Variants in ZDHHC17 observed in about 807,000 individuals in gnomAD.
ZDHHC17 encodes palmitoyltransferase ZDHHC17.
In ZDHHC17, 40 loss-of-function variants were observed where a neutral mutation model predicts 90.3. That is an observed-to-expected ratio of 0.44 (90% CI 0.34 to 0.58). ZDHHC17 has a LOEUF of 0.58. Ranked by LOEUF, ZDHHC17 falls within the 20% of genes least tolerant of loss-of-function variation. ZDHHC17 has a pLI of 0.01. For missense variants in ZDHHC17, 614 were observed against 780.8 expected, an observed-to-expected ratio of 0.79 and a Z score of 2.55; for synonymous variants, 235 against 252.4, an observed-to-expected ratio of 0.93 and a Z score of 0.65.
At chr12:76,765,061 C>T (rs141258073) in intron 1 of ZDHHC17, among the ~76,000 whole-genome samples, 1,681 of 152,320 alleles carry the variant, frequency 0.011, 11 homozygotes, top group Non-Finnish European at 0.017. Flanking sequence ...TGCTTGTTTA[C>T]CTCCGAGTTT....
intron 1 of ZDHHC17, among the ~76,000 whole-genome samples, chr12:76,777,296 T>C (rs1461896494): frequency 6.6e-6 from 1 of 152,238 alleles, no homozygotes; most frequent in African/African-American, 2.4e-5. Context: ...GTATGTAACC[T>C]TATGGGATTG....
chr12:76,815,308 A>G, intron 6 of ZDHHC17, 98 bp downstream of exon 6: 1 of 687,934 alleles, frequency 1.5e-6, no homozygotes, highest in South Asian at 3.3e-5. Context: ...ACTCACTAAT[A>G]TTTACAGTTT....
chr12:76,788,339 A>G (rs1437353894), intron 1 of ZDHHC17, among the ~76,000 whole-genome samples: 2 of 152,232 alleles, frequency 1.3e-5, no homozygotes, highest in Non-Finnish European at 2.9e-5. Context: ...AAGGGTGTAC[A>G]GTTCAACTTT....
intron 1 of ZDHHC17, among the ~76,000 whole-genome samples, chr12:76,792,767 G>T (rs549527413): frequency 1.3e-5 from 2 of 151,926 alleles, no homozygotes; most frequent in Non-Finnish European, 2.9e-5. Context: ...TTAGAACTTG[G>T]AGAATGTCTA....
chr12:76,815,835 T>TG, intron 6 of ZDHHC17, 22 bp from the exon 7 acceptor site: 1 of 1,219,358 alleles, frequency 8.2e-7, no homozygotes, highest in East Asian at 3.2e-5. Flanking sequence ...TGTTGTTTGT[T>TG]TTTTTTTTTT....
chr12:76,776,191 A>G (rs915744773), intron 1 of ZDHHC17, among the ~76,000 whole-genome samples: 5 of 152,196 alleles, frequency 3.3e-5, no homozygotes, highest in Non-Finnish European at 7.4e-5. Flanking sequence ...CTTTCTGAAC[A>G]TTATTATCCT....
intron 1 of ZDHHC17, among the ~76,000 whole-genome samples, chr12:76,778,409 C>T (rs1010015541): frequency 8.5e-5 from 13 of 152,116 alleles, no homozygotes; most frequent in Non-Finnish European, 1.3e-4. Context: ...TTAGTAGAGA[C>T]GGGGTTTCAC....
Position 76,828,923 on chromosome 12 carries a change from CACAG to C in ZDHHC17, c.1141+441_1141+444del, listed in dbSNP as rs1349504948. ...TCAAAAAATGGGTAAAGGACACAGACACAGACAGACATTTCTCCAAGGACATACA... is the reference window on the plus strand; with the variant it reads ...TCAAAAAATGGGTAAAGGACACAGACACAGACATTTCTCCAAGGACATACA... On this transcript the variant is annotated intron_variant, in intron 10 of 16. Transcript: ENST00000426126. Among the ~76,000 whole-genome samples, 11 of 152,184 alleles carry C rather than the reference CACAG, an allele frequency of 7.2e-5. No individual in the cohort carries two copies. In the East Asian group the frequency reaches 1.9e-3, roughly 27 times the overall value.
intron 10 of ZDHHC17, among the ~76,000 whole-genome samples, chr12:76,837,411 T>C (rs1366402461): frequency 6.6e-6 from 1 of 152,148 alleles, no homozygotes; most frequent in East Asian, 1.9e-4. Flanking sequence ...AGTAGGACCC[T>C]TTGAGCCTAG....
At position 76,812,792 on chromosome 12, in the gene ZDHHC17, C is replaced by T. The variant is rs139729306; in HGVS notation, c.544-2354C>T. Among the ~76,000 whole-genome samples, 17 of 152,066 alleles carry T rather than the reference C, an allele frequency of 1.1e-4. No homozygotes were observed. The East Asian group carries it at 3.3e-3, about 29-fold the overall frequency. On this transcript the variant is annotated intron_variant, in intron 5 of 16. Coordinates refer to ENST00000426126, the MANE Select transcript of ZDHHC17 (RefSeq NM_015336.4). ...GTTTTGTCATTCTATTCTTCACAAT[C>T]GTTTTGTTTTAGTTATATTGTTAAA... is the stretch of plus-strand genomic sequence containing the variant.
intron 1 of ZDHHC17, chr12:76,781,579 T>C: frequency 2.2e-6 from 1 of 454,754 alleles, no homozygotes; most frequent in Non-Finnish European, 4.4e-6. Context: ...TCGTTTGCTG[T>C]CTCATGCTGT....
At chr12:76,837,873 G>A (rs1336740433) in intron 10 of ZDHHC17, among the ~76,000 whole-genome samples, 1 of 151,984 alleles carries the variant, frequency 6.6e-6, no homozygotes, top group African/African-American at 2.4e-5. Context: ...GGCTGGTCTT[G>A]AACTGCTGGG....
intron 8 of ZDHHC17, among the ~76,000 whole-genome samples, chr12:76,824,045 C>T (rs1281424679): frequency 3.3e-5 from 5 of 151,820 alleles, no homozygotes; most frequent in East Asian, 1.9e-4. Context: ...TTGGCACTTT[C>T]GTTTTGTTGA....
intron 10 of ZDHHC17, among the ~76,000 whole-genome samples, chr12:76,831,946 C>A (rs926614976): frequency 1.3e-5 from 2 of 152,146 alleles, no homozygotes; most frequent in African/African-American, 4.8e-5. Flanking sequence ...GCCTAGCTCA[C>A]AGTTTGTTTG....
rs1241722353 is a variant in ZDHHC17, at chr12:76,812,422, TTCTCTCTC to T, written c.543+2571_543+2578del. Among the ~76,000 whole-genome samples the T allele has an allele frequency of 3.9e-5, 6 of 151,954 alleles. No individual in the cohort carries two copies. The South Asian group carries it at 1.2e-3, about 32-fold the overall frequency. ...TTCTTTCCTCAGATAGTCACACAGT[TTCTCTCTC>T]TCTCTTCAGTCAGATGGTTGCTCAA... On this transcript the variant is annotated intron_variant, in intron 5 of 16. Coordinates refer to ENST00000426126, the MANE Select transcript of ZDHHC17 (RefSeq NM_015336.4).
chr12:76,850,995 A>G lies in ZDHHC17; in HGVS notation c.*10A>G. 1 of 1,613,766 alleles carries G rather than the reference A, an allele frequency of 6.2e-7. No individual in the cohort carries two copies. The highest frequency in any genetic ancestry group is 8.5e-7 in the Non-Finnish European group (1 of 1,179,804). The stretch of plus-strand genomic sequence containing the variant: ...GTACCAGCTGGTGTAGCGACATCTT[A>G]TCCTATGAAGCATATTGCTGAGTGG... On this transcript the variant is annotated 3_prime_UTR_variant, in exon 17 of 17. Coordinates refer to ENST00000426126, the MANE Select transcript of ZDHHC17 (RefSeq NM_015336.4).
At chr12:76,801,284 G>GT (rs1323409679) in intron 2 of ZDHHC17, among the ~76,000 whole-genome samples, 1 of 151,278 alleles carries the variant, frequency 6.6e-6, no homozygotes, top group African/African-American at 2.4e-5. Context: ...GTAGTGAAAT[G>GT]TTTAAGTTTC....
chr12:76,809,177 AC>A (rs1952990972), intron 4 of ZDHHC17, 57 bp downstream of exon 4: 1 of 1,250,992 alleles, frequency 8.0e-7, no homozygotes, highest in South Asian at 1.8e-5. Flanking sequence ...ATATAAATAA[AC>A]AACTTTAAAA....
intron 10 of ZDHHC17, among the ~76,000 whole-genome samples, chr12:76,835,259 C>T (rs1355408374): frequency 8.6e-6 from 1 of 116,516 alleles, no homozygotes; most frequent in Non-Finnish European, 1.8e-5. Flanking sequence ...CCATGTTGTC[C>T]AAGCTGGTCT....
Sources: allele counts gnomAD v4.1 joint callset (sites outside exome capture counted in the v4.1 genomes callset), GRCh38; gene constraint gnomAD v4.1.1; transcripts MANE v1.5; gene names NCBI Gene and HGNC (gene_info 2026-07-23, HGNC 2026-07-21).